POLR2E: variants seen among roughly 807,000 people sequenced by gnomAD.
POLR2E encodes RNA polymerase II, I and III subunit E.
POLR2E carries 35 observed loss-of-function variants against 29.8 expected under a neutral mutation model. The ratio of observed to expected loss-of-function variants is 1.17; its 90% CI spans 0.90 to 1.55. The LOEUF (loss-of-function observed/expected upper bound fraction) is 1.55. POLR2E is among the 40% of genes most tolerant of loss of function. The probability of loss-of-function intolerance (pLI) is 0.00; values close to 1 mark genes in which losing one functional copy is unlikely to be tolerated. For synonymous variants in POLR2E, 174 were observed against 112.6 expected, an observed-to-expected ratio of 1.55 and a Z score of -3.45; for missense variants, 287 against 288.6, an observed-to-expected ratio of 0.99 and a Z score of 0.04.
Position 1,086,708 on chromosome 19 carries a change from G to C in POLR2E, c.*2027C>G, listed in dbSNP as rs1015652930. 2 of 152,322 alleles carry C rather than the reference G, an allele frequency of 1.3e-5. No individual in the cohort carries two copies. Among genetic ancestry groups the C allele is most frequent in the African/African-American group, 4.8e-5 (2 of 41,430 alleles). 9.4% of individuals were successfully genotyped at this position (152,322 alleles called of 1,614,324 possible). A position where few individuals can be genotyped will look rare whatever the true frequency, so the allele number is the denominator to read the frequency against. On this transcript the variant is annotated 3_prime_UTR_variant, in exon 8 of 8. Coordinates refer to ENST00000615234, the MANE Select transcript of POLR2E (RefSeq NM_002695.5). ...AGAAGAAGGGGCCAGGGAGGGGACA[G>C]AGAGAGCCCCGTGGCGTGGCCCTGG...
At position 1,090,125 on chromosome 19, in the gene POLR2E, G is replaced by A. The variant is rs978577632; in HGVS notation, c.450C>T (p.Val150=). ...GCTCTGTCACCTCCTCCTTGGTCATGACGACGTGCTCAGGGACTAGCTGCC... is the reference window on the plus strand; with the variant it reads ...GCTCTGTCACCTCCTCCTTGGTCATAACGACGTGCTCAGGGACTAGCTGCC... The part of the protein sequence containing the change: ...TEHELVPEHV[V]MTKEEVTELL... Residue 150 remains valine (V), a synonymous_variant, in exon 5 of 8, where the codon GTC becomes GTT. Coordinates refer to ENST00000615234, the MANE Select transcript of POLR2E (RefSeq NM_002695.5). 9 of 1,612,588 alleles carry A rather than the reference G, an allele frequency of 5.6e-6. No homozygotes were observed. Among genetic ancestry groups the A allele is most frequent in the Non-Finnish European group, 7.6e-6 (9 of 1,179,970 alleles).
chr19:1,088,029 G>C lies in POLR2E; in HGVS notation c.*706C>G, dbSNP rs1379993837. 1.3e-5 allele frequency: 2 copies of C among 151,088 alleles called. No individual in the cohort carries two copies. The highest frequency in any genetic ancestry group is 5.0e-5 in the African/African-American group (2 of 40,088). The allele number at this position is 151,088 out of a possible 1,614,324, so 9.4% of individuals were successfully genotyped here. On this transcript the variant is annotated 3_prime_UTR_variant, in exon 8 of 8. Coordinates refer to ENST00000615234, the MANE Select transcript of POLR2E (RefSeq NM_002695.5). ...CTCACGCCTTACCCAGGAGCACGAA[G>C]TGGGAGGGCAGGGCGAGGGCCTGGG...
At chr19:1,090,013 GGT>G (rs200288510) in intron 5 of POLR2E, 51 bp from the exon 6 acceptor site, 2 of 1,509,716 alleles carry the variant, frequency 1.3e-6, no homozygotes, top group South Asian at 1.1e-5. Context: ...GGGGGGCAGG[GGT>G]GTGTGTGGGG....
Position 1,089,868 on chromosome 19 carries a change from T to A in POLR2E, c.567+16A>T. 1 of 1,602,946 alleles carries A rather than the reference T, an allele frequency of 6.2e-7. No homozygotes were observed. The highest frequency in any genetic ancestry group is 8.5e-7 in the Non-Finnish European group (1 of 1,172,472). On this transcript the variant is annotated intron_variant, in intron 6 of 7. Transcript: ENST00000615234. ...CTCAGAGCAGCCCCAGGGCCCCTTC[T>A]CCCCACAGGGCTCACCTGCCCACGC...
In POLR2E at chr19:1,093,993, G is replaced by A; in HGVS notation, c.143C>T (p.Pro48Leu). The change falls in exon 2 of 8, where the codon CCG becomes CTG. Residue 48 changes from proline to leucine, a missense_variant. By Grantham distance (98) the Pro-to-Leu change is moderately conservative. Coordinates refer to ENST00000615234, the MANE Select transcript of POLR2E (RefSeq NM_002695.5). ...EEFKAQSGDK[P>L]SEGRPRRTDL... ...CGTGCGCCGCGGCCGCCCCTCACTC[G>A]GCTTGTCCCCAGATTGGGCTTTGAA... 2 of 1,613,770 alleles carry A rather than the reference G, an allele frequency of 1.2e-6. No individual in the cohort carries two copies. Among genetic ancestry groups the A allele is most frequent in the East Asian group, 2.2e-5 (1 of 44,874 alleles).
At position 1,094,095 on chromosome 19, in the gene POLR2E, C is replaced by A; in HGVS notation, c.58-17G>T. The A allele has an allele frequency of 6.3e-7, 1 of 1,596,126 alleles. No individual in the cohort carries two copies. Among genetic ancestry groups the A allele is most frequent in the Non-Finnish European group, 8.5e-7 (1 of 1,171,434 alleles). On this transcript the variant is annotated splice_polypyrimidine_tract_variant and intron_variant, in intron 1 of 7. Transcript: ENST00000615234. ...GTGGCACAGCTGCAGAGAGAAAGAA[C>A]CAGCTGACCCCAGGGCAGAGAGAGG...
chr19:1,089,851 A>C, intron 6 of POLR2E, 33 bp downstream of exon 6: 3 of 1,551,802 alleles, frequency 1.9e-6, no homozygotes, highest in Non-Finnish European at 2.7e-6. Context: ...AGCTCAGAGC[A>C]GCCCCAGGGC....
In POLR2E at chr19:1,089,489, C is replaced by T. The variant is rs773392791; in HGVS notation, c.630G>A (p.Gln210=). 6.2e-7 allele frequency: 1 copy of T among 1,612,660 alleles called. No homozygotes were observed. The highest frequency in any genetic ancestry group is 1.1e-5 in the South Asian group (1 of 91,040). ...CGTCTCACCTGTCAGGCGGTAGCTA[C>T]TGCACCAGCCGGTAGGTGATGTACC... ...AGRYITYRLV[Q] is the part of the protein sequence containing the mutation. The change falls in exon 7 of 8, where the codon CAG becomes CAA. Residue 210 remains glutamine (Q), a synonymous_variant. Transcript: ENST00000615234.
intron 2 of POLR2E, 85 bp downstream of exon 2, chr19:1,093,819 G>A (rs781120215): frequency 2.2e-5 from 32 of 1,460,592 alleles, no homozygotes; most frequent in Non-Finnish European, 2.8e-5. Flanking sequence ...TGGGCACCAG[G>A]CGAGTGGGGG....
chr19:1,094,956 G>GC (rs946321808), intron 1 of POLR2E: 5 of 484,200 alleles, frequency 1.0e-5, no homozygotes, highest in African/African-American at 4.1e-5. Context: ...GTCTGGGGGC[G>GC]CCCCCCGTCC....
chr19:1,089,046 C>CG (rs2043772101), intron 7 of POLR2E, among the ~76,000 whole-genome samples: 1 of 152,200 alleles, frequency 6.6e-6, no homozygotes, highest in Admixed American at 6.5e-5. Flanking sequence ...GAGGCTGTCC[C>CG]GCTCCTGAGA....
chr19:1,090,904 C>T lies in POLR2E; in HGVS notation c.429+4G>A. 1.2e-6 allele frequency: 2 copies of T among 1,611,938 alleles called. No individual in the cohort carries two copies. Among genetic ancestry groups the T allele is most frequent in the South Asian group, 1.1e-5 (1 of 91,070 alleles). ...GCAGGCGGGATTCCGCGGCGCGCGC[C>T]CACCTCGTGCTCCGTGATGTTGATG... On this transcript the variant is annotated splice_donor_region_variant and intron_variant, in intron 4 of 7. Transcript: ENST00000615234.
intron 7 of POLR2E, among the ~76,000 whole-genome samples, chr19:1,089,060 C>T (rs375930226): frequency 8.5e-5 from 13 of 152,324 alleles, no homozygotes; most frequent in East Asian, 5.8e-4. Flanking sequence ...CCTGAGACTC[C>T]GGCCAGTCCC....
chr19:1,089,629 C>G, intron 6 of POLR2E, 78 bp from the exon 7 acceptor site: 1 of 1,277,598 alleles, frequency 7.8e-7, no homozygotes, highest in Non-Finnish European at 1.1e-6. Flanking sequence ...GGGCAGCACA[C>G]GGGCTGGGGA....
Position 1,094,231 on chromosome 19 carries a change from G to A in POLR2E, c.58-153C>T, listed in dbSNP as rs187698027. On this transcript the variant is annotated intron_variant, in intron 1 of 7. Transcript: ENST00000615234. ...CTGTGTGCTCCATGACAGCCACCCC[G>A]GCCCCCACAGCCTCACACCACAGGA... 1,250 of 644,194 alleles carry A rather than the reference G, an allele frequency of 1.9e-3. 4 individuals are homozygous for A. The highest frequency in any genetic ancestry group is 0.012 in the Middle Eastern group (29 of 2,422). The allele number at this position is 644,194 out of a possible 1,614,324, so 39.9% of individuals were successfully genotyped here. A position where few individuals can be genotyped will look rare whatever the true frequency, so the allele number is the denominator to read the frequency against.
chr19:1,089,016 G>C (rs2043771041), intron 7 of POLR2E, among the ~76,000 whole-genome samples: 1 of 152,172 alleles, frequency 6.6e-6, no homozygotes, highest in African/African-American at 2.4e-5. Flanking sequence ...GGGGAAGCTG[G>C]GAGGCTCTCG....
At position 1,087,601 on chromosome 19, in the gene POLR2E, TAGTGACCTCCTAGG is replaced by T. The variant is rs1473088377; in HGVS notation, c.*1120_*1133del. The T allele has an allele frequency of 4.0e-5, 6 of 151,096 alleles. No individual in the cohort carries two copies. The highest frequency in any genetic ancestry group is 9.7e-5 in the African/African-American group (4 of 41,234). 9.4% of individuals were successfully genotyped at this position (151,096 alleles called of 1,614,324 possible). On this transcript the variant is annotated 3_prime_UTR_variant, in exon 8 of 8. Coordinates refer to ENST00000615234, the MANE Select transcript of POLR2E (RefSeq NM_002695.5). ...TCCTACTTCCAGTCTCTGACGACTC[TAGTGACCTCCTAGG>T]AGTGACATCAGTGTTTGTCCCTTTG...
At chr19:1,089,354 G>C in intron 7 of POLR2E, 118 bp downstream of exon 7, 1 of 676,886 alleles carries the variant, frequency 1.5e-6, no homozygotes, top group Non-Finnish European at 2.6e-6. Flanking sequence ...GGCCCAGCTG[G>C]GCTGGTGCTA....
chr19:1,090,806 G>T, intron 4 of POLR2E, 102 bp downstream of exon 4: 1 of 1,018,482 alleles, frequency 9.8e-7, no homozygotes, highest in South Asian at 1.5e-5. Flanking sequence ...GCACTAATAG[G>T]AACACCTGCC....
Sources: gnomAD v4.1 joint callset for allele counts (sites outside exome capture counted in the v4.1 genomes callset) on GRCh38, gnomAD v4.1.1 for gene constraint, MANE v1.5 for transcripts, NCBI Gene and HGNC (gene_info 2026-07-23, HGNC 2026-07-21) for gene names.